CD44: variants seen among roughly 807,000 people sequenced by gnomAD.
CD44 encodes CD44 molecule (IN blood group), also known as CD44 antigen.
A neutral mutation model predicts 88.8 loss-of-function variants in CD44; 49 were observed. That is an observed-to-expected ratio of 0.55 (90% CI 0.44 to 0.70). CD44 has a LOEUF of 0.70. CD44 is among the 30% of genes least tolerant of loss of function. The pLI is 0.00. For synonymous variants in CD44, 325 were observed against 312.3 expected (o/e 1.04, Z -0.43); for missense variants, 883 against 913.8 (o/e 0.97, Z 0.43).
At chr11:35,213,820 T>G (rs1948619181) in intron 14 of CD44, 1 of 152,152 alleles carries the variant, frequency 6.6e-6, no homozygotes, top group South Asian at 2.1e-4. Context: ...GTTTTAACCA[T>G]CAGCCAAGGA....
chr11:35,229,220 T>G lies in CD44; in HGVS notation c.2116T>G (p.Ser706Ala). 6.2e-7 allele frequency: 1 copy of G among 1,614,026 alleles called. No individual in the cohort carries two copies. The highest frequency in any genetic ancestry group is 1.3e-5 in the African/African-American group (1 of 74,986). The change falls in exon 18 of 18, where the codon TCT becomes GCT. Residue 706 changes from serine (S) to alanine (A), a missense_variant. Physicochemically the swap from Ser to Ala is moderately conservative, Grantham distance 99. Transcript: ENST00000428726. ...TGGACTCAACGGAGAGGCCAGCAAGTCTCAGGAAATGGTGCATTTGGTGAA... is the reference window on the plus strand; with the variant it reads ...TGGACTCAACGGAGAGGCCAGCAAGGCTCAGGAAATGGTGCATTTGGTGAA... ...PSGLNGEASK[S>A]QEMVHLVNKE...
intron 3 of CD44, among the ~76,000 whole-genome samples, chr11:35,182,800 G>A (rs77673209): frequency 0.087 from 13,187 of 152,242 alleles, 627 homozygotes; most frequent in African/African-American, 0.11. Context: ...CTCCCATTGA[G>A]TCTTGCTGAG....
At chr11:35,221,155 A>G (rs975677928) in intron 16 of CD44, among the ~76,000 whole-genome samples, 22 of 152,302 alleles carry the variant, frequency 1.4e-4, no homozygotes, top group African/African-American at 5.3e-4. Flanking sequence ...CATGGCTTCC[A>G]TGTCATTGAA....
intron 5 of CD44, among the ~76,000 whole-genome samples, chr11:35,191,794 A>G (rs1946296070): frequency 6.6e-6 from 1 of 152,206 alleles, no homozygotes; most frequent in Non-Finnish European, 1.5e-5. Context: ...CCCCTATAGA[A>G]TATCTCTTAA....
At chr11:35,195,616 G>C (rs895006551) in intron 5 of CD44, among the ~76,000 whole-genome samples, 1 of 151,922 alleles carries the variant, frequency 6.6e-6, no homozygotes. Flanking sequence ...GGGGATGATG[G>C]TTTCAGCCTC....
At chr11:35,223,104 G>A (rs916683874) in intron 17 of CD44, 33 of 985,082 alleles carry the variant, frequency 3.3e-5, no homozygotes, top group Non-Finnish European at 3.7e-5. Flanking sequence ...TACCATTGAG[G>A]GCATAGTTTT....
At chr11:35,222,605 A>G (rs1949396845) in intron 17 of CD44, 2 of 619,926 alleles carry the variant, frequency 3.2e-6, no homozygotes, top group Non-Finnish European at 4.0e-6. Flanking sequence ...TATAATATAT[A>G]TATATATATA....
chr11:35,147,657 C>T (rs973435396), intron 1 of CD44, among the ~76,000 whole-genome samples: 6 of 151,412 alleles, frequency 4.0e-5, no homozygotes, highest in African/African-American at 1.5e-4. Context: ...TTACACTTAA[C>T]AGGTCTGCAG....
chr11:35,155,450 A>C (rs1251134836), intron 1 of CD44, among the ~76,000 whole-genome samples: 1 of 152,154 alleles, frequency 6.6e-6, no homozygotes, highest in South Asian at 2.1e-4. Context: ...CCACACCCTC[A>C]ACCTTTTTCT....
Position 35,229,255 on chromosome 11 carries a change from G to T in CD44, c.2151G>T (p.Ser717=), listed in dbSNP as rs374495714. 3.1e-6 allele frequency: 5 copies of T among 1,614,016 alleles called. No individual in the cohort carries two copies. The East Asian group carries it at 6.7e-5, about 22-fold the overall frequency. The change falls in exon 18 of 18, where the codon TCG becomes TCT. Residue 717 remains serine (S), a synonymous_variant. Coordinates refer to ENST00000428726, the MANE Select transcript of CD44 (RefSeq NM_000610.4). ...QEMVHLVNKE[S]SETPDQFMTA... ...TGGTGCATTTGGTGAACAAGGAGTCGTCAGAAACTCCAGACCAGTTTATGA... is the reference window on the plus strand; with the variant it reads ...TGGTGCATTTGGTGAACAAGGAGTCTTCAGAAACTCCAGACCAGTTTATGA...
intron 4 of CD44, 126 bp from the exon 5 acceptor site, chr11:35,189,709 A>T: frequency 1.5e-6 from 1 of 682,886 alleles, no homozygotes; most frequent in Non-Finnish European, 2.6e-6. Context: ...ACTCTCTCCC[A>T]CCACTGGATA....
chr11:35,191,092 G>T (rs1282776835), intron 5 of CD44, among the ~76,000 whole-genome samples: 1 of 152,208 alleles, frequency 6.6e-6, no homozygotes, highest in African/African-American at 2.4e-5. Flanking sequence ...GGTTTTCCTA[G>T]TATGGTGTGG....
At chr11:35,222,552 C>G in intron 17 of CD44, 3 of 1,001,374 alleles carry the variant, frequency 3.0e-6, no homozygotes, top group Non-Finnish European at 3.6e-6. Flanking sequence ...CTCTCCCTAC[C>G]TGAACCAAGA....
intron 7 of CD44, 138 bp from the exon 8 acceptor site, chr11:35,200,944 C>T (rs1947253527): frequency 2.9e-6 from 2 of 699,586 alleles, no homozygotes; most frequent in African/African-American, 3.5e-5. Flanking sequence ...GCTTTCCCTC[C>T]ATTTCCATGC....
At chr11:35,219,212 C>T (rs1478675932) in intron 15 of CD44, 104 bp from the exon 16 acceptor site, 5 of 812,414 alleles carry the variant, frequency 6.2e-6, no homozygotes, top group African/African-American at 1.7e-5. Flanking sequence ...TAAATGGCTT[C>T]TCAGTGATTC....
intron 1 of CD44, among the ~76,000 whole-genome samples, chr11:35,143,725 C>A (rs1858478453): frequency 7.3e-6 from 1 of 137,468 alleles, no homozygotes; most frequent in East Asian, 2.3e-4. Flanking sequence ...GCTGCCCTGC[C>A]CTGGCCTGTC....
At chr11:35,152,849 GA>G (rs1860608673) in intron 1 of CD44, among the ~76,000 whole-genome samples, 1 of 152,126 alleles carries the variant, frequency 6.6e-6, no homozygotes, top group South Asian at 2.1e-4. Context: ...CCCTTGCTGG[GA>G]TAACTCAATA....
chr11:35,196,645 T>A, intron 5 of CD44, 101 bp from the exon 6 acceptor site: 1 of 1,257,088 alleles, frequency 8.0e-7, no homozygotes, highest in Non-Finnish European at 1.1e-6. Flanking sequence ...CAAATATAGA[T>A]GATTCTCTTG....
intron 9 of CD44, among the ~76,000 whole-genome samples, chr11:35,204,220 T>C (rs1264662745): frequency 6.6e-6 from 1 of 152,174 alleles, no homozygotes; most frequent in Non-Finnish European, 1.5e-5. Flanking sequence ...AAAATAAAAA[T>C]AATAATAACT....
Sources: allele counts gnomAD v4.1 joint callset (sites outside exome capture counted in the v4.1 genomes callset), GRCh38; gene constraint gnomAD v4.1.1; transcripts MANE v1.5; gene names NCBI Gene and HGNC (gene_info 2026-07-23, HGNC 2026-07-21).